The following TJAP1 variants were observed in gnomAD, a reference collection of about 807,000 sequenced individuals.
TJAP1 encodes the protein tight junction associated protein 1, also known as tight junction-associated protein 1.
Under a neutral mutation model 42.0 loss-of-function variants are expected in TJAP1, and 27 were observed. The ratio of observed to expected loss-of-function variants is 0.64; its 90% CI spans 0.47 to 0.89. The LOEUF (loss-of-function observed/expected upper bound fraction) is 0.89, where lower values mean the gene tolerates loss of function less well. Among genes scored for constraint, TJAP1 ranks in the 40% least tolerant of loss-of-function variants. TJAP1 has a pLI of 0.00. For missense variants in TJAP1, 712 were observed against 726.9 expected (o/e 0.98, Z 0.24); for synonymous variants, 257 against 288.4 (o/e 0.89, Z 1.10).
At chr6:43,501,927 ACTCTCTCTCT>A (rs201624955) in intron 6 of TJAP1, among the ~76,000 whole-genome samples, 19 of 71,608 alleles carry the variant, frequency 2.7e-4, no homozygotes, top group East Asian at 1.5e-3. Context: ...ACACACACAC[ACTCTCTCTCT>A]CTCTCTCTCT....
intron 2 of TJAP1, among the ~76,000 whole-genome samples, chr6:43,487,530 G>A (rs2127511565): frequency 6.6e-6 from 1 of 152,100 alleles, no homozygotes; most frequent in Middle Eastern, 3.4e-3. Flanking sequence ...TCTGCTTGTG[G>A]TCTTGGGCAA....
chr6:43,487,579 C>G (rs542723184), intron 2 of TJAP1, among the ~76,000 whole-genome samples: 1 of 152,088 alleles, frequency 6.6e-6, no homozygotes, highest in East Asian at 1.9e-4. Context: ...GGGAGAGCTC[C>G]CTATTCTTTG....
At chr6:43,497,777 TCCC>T (rs1424451213) in intron 2 of TJAP1, 101 bp from the exon 3 acceptor site, 1 of 152,272 alleles carries the variant, frequency 6.6e-6, no homozygotes, top group African/African-American at 2.4e-5. Context: ...GCCGTGGTTC[TCCC>T]TGGGGGGCCT....
At position 43,504,841 on chromosome 6, in the gene TJAP1, C is replaced by T. The variant is rs764980020; in HGVS notation, c.660C>T (p.Ser220=). ...CCGCCAGCCCAGGTCCTGCTCCCAG[C>T]CTAGCCCCAGGGGCTGTGGTGCCTA... Residue 220 remains serine (S), a synonymous_variant, in exon 11 of 11, where the codon AGC becomes AGT. Coordinates refer to ENST00000372449, the Ensembl canonical transcript of TJAP1. The T allele has an allele frequency of 4.3e-6, 7 of 1,614,098 alleles. No individual in the cohort carries two copies. In the East Asian group the frequency reaches 8.9e-5, roughly 21 times the overall value.
At chr6:43,499,694 C>T (rs946849684) in intron 4 of TJAP1, among the ~76,000 whole-genome samples, 1 of 152,246 alleles carries the variant, frequency 6.6e-6, no homozygotes, top group African/African-American at 2.4e-5. Context: ...CAGGCAGAAA[C>T]GAGGGCCACA....
rs9472068 is a variant in TJAP1, at chr6:43,495,250, A to G, written c.-121-2631A>G. Among the ~76,000 whole-genome samples the G allele has an allele frequency of 0.14, 21,853 of 152,114 alleles. 3,091 individuals carry two copies. The highest frequency in any genetic ancestry group is 0.37 in the African/African-American group (15,229 of 41,466). On this transcript the variant is annotated intron_variant, in intron 2 of 10. Coordinates refer to ENST00000372449, the Ensembl canonical transcript of TJAP1. This position sits in a 1 kb window ranked among gnomAD's most constrained non-coding sequence, Gnocchi z 4.6. ...GTGTCCCGATGCTTCTCTCTTTGTT[A>G]TCCACTGCACCATGCATCACTGTCC...
intron 6 of TJAP1, among the ~76,000 whole-genome samples, 173 bp from the exon 7 acceptor site, chr6:43,502,110 T>C (rs955654955): frequency 4.0e-5 from 6 of 149,242 alleles, no homozygotes; most frequent in East Asian, 2.0e-4. Context: ...TCTCTCTCTC[T>C]CCTTTCATAG....
At chr6:43,487,023 G>A (rs1786692180) in intron 2 of TJAP1, among the ~76,000 whole-genome samples, 1 of 152,224 alleles carries the variant, frequency 6.6e-6, no homozygotes, top group Non-Finnish European at 1.5e-5. Context: ...AGGGGGTTGA[G>A]TGAGCCAGCC....
Position 43,492,848 on chromosome 6 carries a change from C to T in TJAP1, c.-121-5033C>T, listed in dbSNP as rs886153666. On this transcript the variant is annotated intron_variant, in intron 2 of 10. Coordinates refer to ENST00000372449, the Ensembl canonical transcript of TJAP1. The surrounding 1 kb of genome is among the most constrained non-coding windows in gnomAD (Gnocchi z 4.2). ...TTGAGAAGCGGCCAGACTTGTGTGG[C>T]GGGAGTGTAGCTGACCCCCACTGGG... Among the ~76,000 whole-genome samples the T allele has an allele frequency of 1.3e-5, 2 of 152,084 alleles. No homozygotes were observed. The highest frequency in any genetic ancestry group is 2.9e-5 in the Non-Finnish European group (2 of 68,008).
intron 6 of TJAP1, 78 bp from the exon 7 acceptor site, chr6:43,502,205 C>T: frequency 6.9e-7 from 1 of 1,449,016 alleles, no homozygotes; most frequent in Non-Finnish European, 9.6e-7. Context: ...TGTTCAAGAT[C>T]CCCTATCGGG....
intron 2 of TJAP1, among the ~76,000 whole-genome samples, chr6:43,483,759 G>C (rs113268419): frequency 0.034 from 5,156 of 152,186 alleles, 279 homozygotes; most frequent in African/African-American, 0.11. Context: ...GTCTCATCTT[G>C]GTCTCTAAAA....
rs1791513700 is a variant in TJAP1, at chr6:43,503,707, G to A, written c.579+1G>A. ...CTTCCGAAACCACAAGTTTGCCGAT[G>A]TGAGTAGAACTCACCCCCTCCCTGC... is the stretch of plus-strand genomic sequence containing the variant. On this transcript the variant is annotated splice_donor_variant, in intron 10 of 10. Transcript: ENST00000372449. LOFTEE classifies it high-confidence loss of function. The A allele has an allele frequency of 1.2e-6, 2 of 1,613,914 alleles. No homozygotes were observed. Among genetic ancestry groups the A allele is most frequent in the South Asian group, 1.1e-5 (1 of 91,084 alleles).
Position 43,505,725 on chromosome 6 carries a change from C to T in TJAP1, c.1544C>T (p.Thr515Ile), listed in dbSNP as rs751947604. 5 of 1,565,806 alleles carry T rather than the reference C, an allele frequency of 3.2e-6. No individual in the cohort carries two copies. Residue 515 changes from threonine (T) to isoleucine (I), a missense_variant, in exon 11 of 11, where the codon ACC becomes ATC. By Grantham distance (89) the Thr-to-Ile change is moderately conservative. Coordinates refer to ENST00000372449, the Ensembl canonical transcript of TJAP1. The surrounding 1 kb of genome is among the most constrained non-coding windows in gnomAD (Gnocchi z 5.5). ...GAGGAGGGGCCAGGCACTTCCCACACCGAGGGCAGGGCCTGGCCACTCCCC... is the reference window on the plus strand; with the variant it reads ...GAGGAGGGGCCAGGCACTTCCCACATCGAGGGCAGGGCCTGGCCACTCCCC...
At chr6:43,496,567 C>A (rs1789213900) in intron 2 of TJAP1, among the ~76,000 whole-genome samples, 1 of 152,232 alleles carries the variant, frequency 6.6e-6, no homozygotes, top group African/African-American at 2.4e-5. Flanking sequence ...CACCGAACCC[C>A]AAACCAGGGC....
At position 43,495,744 on chromosome 6, in the gene TJAP1, A is replaced by G. The variant is rs1788956905; in HGVS notation, c.-121-2137A>G. On this transcript the variant is annotated intron_variant, in intron 2 of 10. Coordinates refer to ENST00000372449, the Ensembl canonical transcript of TJAP1. This position sits in a 1 kb window ranked among gnomAD's most constrained non-coding sequence, Gnocchi z 4.6. ...TTCTCAGGATACTCCTTGCCTAGCA[A>G]GCCAGATCGCCTCTGGCCATGGAAG... Among the ~76,000 whole-genome samples, 1 of 152,150 alleles carries G rather than the reference A, an allele frequency of 6.6e-6. No individual in the cohort carries two copies. The highest frequency in any genetic ancestry group is 2.4e-5 in the African/African-American group (1 of 41,412).
intron 10 of TJAP1, chr6:43,504,221 TCTC>T (rs370825842): frequency 3.0e-5 from 7 of 233,244 alleles, no homozygotes; most frequent in East Asian, 2.0e-4. Context: ...TTCAAGCAAT[TCTC>T]CTGCTTCAGC....
At chr6:43,494,355 A>G (rs1788549081) in intron 2 of TJAP1, among the ~76,000 whole-genome samples, 1 of 152,070 alleles carries the variant, frequency 6.6e-6, no homozygotes, top group Non-Finnish European at 1.5e-5. Context: ...GGTTGAGGAG[A>G]GTCCCTTTTC....
intron 2 of TJAP1, among the ~76,000 whole-genome samples, chr6:43,496,427 G>A (rs1275639922): frequency 3.3e-5 from 5 of 152,186 alleles, no homozygotes; most frequent in Admixed American, 6.5e-5. Context: ...TTTCAGGCCC[G>A]CCCACCCGGA....
chr6:43,480,086 G>A (rs1784995642), intron 2 of TJAP1, among the ~76,000 whole-genome samples: 1 of 152,204 alleles, frequency 6.6e-6, no homozygotes, highest in African/African-American at 2.4e-5. Context: ...TCAATCAAAT[G>A]TGGGTAGTAA....
Sources: allele counts gnomAD v4.1 joint callset (sites outside exome capture counted in the v4.1 genomes callset), GRCh38; gene constraint gnomAD v4.1.1; non-coding constraint Gnocchi (gnomAD v3.1); transcripts MANE v1.5; gene names NCBI Gene and HGNC (gene_info 2026-07-23, HGNC 2026-07-21).